The following GPHN variants were observed in gnomAD, a reference collection of about 807,000 sequenced individuals.
The protein encoded by GPHN is gephyrin.
Under a neutral mutation model 95.5 loss-of-function variants are expected in GPHN, and 17 were observed. That is an observed-to-expected ratio of 0.18 (90% CI 0.12 to 0.27). The LOEUF (loss-of-function observed/expected upper bound fraction) is 0.27, where lower values mean the gene tolerates loss of function less well. Among genes scored for constraint, GPHN ranks in the 10% least tolerant of loss-of-function variants. The pLI, the probability that GPHN is intolerant of heterozygous loss-of-function variation, is 1.00. For missense variants in GPHN, 660 were observed against 978.1 expected (o/e 0.67, Z 4.34); for synonymous variants, 320 against 322.5 (o/e 0.99, Z 0.08).
At chr14:67,037,847 G>T (rs1318301537) in intron 10 of GPHN, among the ~76,000 whole-genome samples, 1 of 151,604 alleles carries the variant, frequency 6.6e-6, no homozygotes, top group African/African-American at 2.4e-5. Context: ...CTTGTGCCCT[G>T]TTGGTAGGTT....
chr14:67,150,465 A>AC (rs1057455795), intron 18 of GPHN, among the ~76,000 whole-genome samples: 82 of 150,176 alleles, frequency 5.5e-4, no homozygotes, highest in African/African-American at 1.6e-3. Flanking sequence ...AAAAAAAAAA[A>AC]AAAAAAAACA....
intron 5 of GPHN, among the ~76,000 whole-genome samples, chr14:66,906,753 G>A (rs1402790315): frequency 6.6e-6 from 1 of 151,918 alleles, no homozygotes; most frequent in African/African-American, 2.4e-5. Flanking sequence ...AGAAGTTTAT[G>A]GTTTAGTTTC....
the GPHN span, chr14:67,659,864 A>C: frequency 7.4e-6 from 12 of 1,614,186 alleles, no homozygotes; most frequent in Non-Finnish European, 1.0e-5. Flanking sequence ...AAGCTTAGAC[A>C]TCATGGGGTT....
intron 3 of GPHN, among the ~76,000 whole-genome samples, chr14:66,812,133 G>C (rs866849106): frequency 6.6e-6 from 1 of 152,144 alleles, no homozygotes; most frequent in South Asian, 2.1e-4. Flanking sequence ...GAGCCAAAGA[G>C]GGGAGCCTGA....
chr14:67,244,963 G>C, the GPHN span, among the ~76,000 whole-genome samples: 5 of 152,072 alleles, frequency 3.3e-5, no homozygotes, highest in African/African-American at 4.8e-5. Flanking sequence ...AGTAGAGTCA[G>C]GAAAAAAAGA....
At chr14:67,009,861 C>A (rs1011668304) in intron 9 of GPHN, among the ~76,000 whole-genome samples, 2 of 151,870 alleles carry the variant, frequency 1.3e-5, no homozygotes, top group Non-Finnish European at 2.9e-5. Context: ...CAGGTTCAAG[C>A]GATTCTCCTG....
intron 4 of GPHN, among the ~76,000 whole-genome samples, chr14:66,846,121 T>C (rs1002026454): frequency 6.6e-6 from 1 of 152,172 alleles, no homozygotes; most frequent in Admixed American, 6.6e-5. Flanking sequence ...ATCTGTTAGG[T>C]GATAAGTTCT....
At chr14:66,669,701 T>C (rs1318967331) in intron 1 of GPHN, among the ~76,000 whole-genome samples, 2 of 152,206 alleles carry the variant, frequency 1.3e-5, no homozygotes, top group African/African-American at 4.8e-5. Flanking sequence ...TCTTTCATTC[T>C]AGTATTGAGC....
chr14:66,687,476 A>C (rs1369853879), intron 2 of GPHN, among the ~76,000 whole-genome samples: 1 of 118,770 alleles, frequency 8.4e-6, no homozygotes, highest in Non-Finnish European at 1.8e-5. Context: ...CTTTTTCTTT[A>C]TTTTATTTGG....
chr14:67,161,375 C>CTT (rs757484627), intron 19 of GPHN, among the ~76,000 whole-genome samples: 4 of 145,230 alleles, frequency 2.8e-5, no homozygotes, highest in Admixed American at 6.9e-5. Context: ...GGTATAACTG[C>CTT]TTTTTTTTTT....
At chr14:67,539,363 T>C in the GPHN span, among the ~76,000 whole-genome samples, 1 of 152,158 alleles carries the variant, frequency 6.6e-6, no homozygotes, top group Non-Finnish European at 1.5e-5. Context: ...ATGCAGGGAT[T>C]GTTTAGATGA....
At chr14:66,701,351 A>T (rs2068537180) in intron 2 of GPHN, among the ~76,000 whole-genome samples, 1 of 152,200 alleles carries the variant, frequency 6.6e-6, no homozygotes, top group Non-Finnish European at 1.5e-5. Context: ...ACTAATACAT[A>T]ATAACTGTAC....
intron 12 of GPHN, among the ~76,000 whole-genome samples, chr14:67,090,731 G>A (rs1188203163): frequency 6.6e-6 from 1 of 151,950 alleles, no homozygotes; most frequent in Non-Finnish European, 1.5e-5. Context: ...AGATAGCATA[G>A]CAAATGATTA....
At chr14:66,591,754 C>T (rs2061658669) in intron 1 of GPHN, among the ~76,000 whole-genome samples, 1 of 152,158 alleles carries the variant, frequency 6.6e-6, no homozygotes, top group African/African-American at 2.4e-5. Context: ...AGATTAAGTG[C>T]TATCCCAATC....
intron 1 of GPHN, among the ~76,000 whole-genome samples, chr14:66,659,902 C>A (rs573625297): frequency 6.6e-6 from 1 of 152,144 alleles, no homozygotes; most frequent in Non-Finnish European, 1.5e-5. Context: ...ACACCATTTA[C>A]ATTTATATAA....
intron 5 of GPHN, among the ~76,000 whole-genome samples, chr14:66,899,213 TA>T (rs1328565745): frequency 1.7e-4 from 25 of 151,464 alleles, no homozygotes; most frequent in African/African-American, 5.8e-4. Context: ...CATCTGCAAA[TA>T]GGGGTAGTTT....
At chr14:67,706,593 T>A in the GPHN span, among the ~76,000 whole-genome samples, 1 of 152,160 alleles carries the variant, frequency 6.6e-6, no homozygotes, top group East Asian at 1.9e-4. Flanking sequence ...TTCTTTTGAG[T>A]TTCTGTTTAG....
intron 5 of GPHN, among the ~76,000 whole-genome samples, chr14:66,897,638 C>A (rs745312793): frequency 6.6e-6 from 1 of 152,006 alleles, no homozygotes; most frequent in Non-Finnish European, 1.5e-5. Context: ...CCTGGAGATT[C>A]GACTAAATTG....
At chr14:67,330,154 AATT>A in the GPHN span, among the ~76,000 whole-genome samples, 461 of 105,714 alleles carry the variant, frequency 4.4e-3, 5 homozygotes, top group African/African-American at 0.021. Flanking sequence ...TAATAATAAT[AATT>A]ATTATTATTA....
Sources: gnomAD v4.1 joint callset for allele counts (sites outside exome capture counted in the v4.1 genomes callset) on GRCh38, gnomAD v4.1.1 for gene constraint, MANE v1.5 for transcripts, NCBI Gene and HGNC (gene_info 2026-07-23, HGNC 2026-07-21) for gene names.